The following AGMO variants were observed in gnomAD, a reference collection of about 807,000 sequenced individuals.
The protein encoded by AGMO is glyceryl-ether monooxygenase.
In AGMO, 75 loss-of-function variants were observed where a neutral mutation model predicts 60.2. The observed-to-expected ratio is 1.25, with a 90% CI of 1.03 to 1.51. AGMO has a LOEUF of 1.51. Ranked by LOEUF, AGMO falls within the 40% of genes most tolerant of loss-of-function variation. AGMO has a pLI of 0.00. For missense variants in AGMO, 763 were observed against 525.5 expected (o/e 1.45, Z -4.42); for synonymous variants, 261 against 177.1 (o/e 1.47, Z -3.76).
intron 5 of AGMO, among the ~76,000 whole-genome samples, chr7:15,417,494 C>A (rs1780805815): frequency 6.6e-6 from 1 of 152,144 alleles, no homozygotes; most frequent in African/African-American, 2.4e-5. Context: ...CCATGTAAAT[C>A]ATCAGAAAGC....
At chr7:15,166,594 GT>G in the AGMO span, among the ~76,000 whole-genome samples, 1 of 152,108 alleles carries the variant, frequency 6.6e-6, no homozygotes, top group Non-Finnish European at 1.5e-5. Context: ...ATCATTCCAG[GT>G]GCTATATTAA....
At chr7:15,322,434 G>GTATATATATAAA (rs1295939759) in intron 12 of AGMO, among the ~76,000 whole-genome samples, 3,720 of 86,806 alleles carry the variant, frequency 0.043, 408 homozygotes, top group East Asian at 0.079. Flanking sequence ...ACCTGTGTGT[G>GTATATATATAAA]TATATATATA....
intron 3 of AGMO, among the ~76,000 whole-genome samples, chr7:15,487,984 G>A (rs1030996335): frequency 6.6e-6 from 1 of 152,054 alleles, no homozygotes; most frequent in Non-Finnish European, 1.5e-5. Context: ...TAAGTCTTCA[G>A]CAATTTCTCT....
chr7:15,376,325 T>A (rs552700121), intron 10 of AGMO, among the ~76,000 whole-genome samples: 1 of 152,220 alleles, frequency 6.6e-6, no homozygotes, highest in South Asian at 2.1e-4. Flanking sequence ...AAGCTAGATC[T>A]AATTTGTGCA....
chr7:15,200,087 G>GT (rs1451751509), downstream of AGMO, among the ~76,000 whole-genome samples: 8 of 151,620 alleles, frequency 5.3e-5, no homozygotes, highest in East Asian at 5.8e-4. Context: ...AACAGCATTA[G>GT]TTTTTTTTAG....
At chr7:15,231,972 T>A (rs1301252461) in intron 12 of AGMO, among the ~76,000 whole-genome samples, 1 of 152,178 alleles carries the variant, frequency 6.6e-6, no homozygotes, top group Non-Finnish European at 1.5e-5. Flanking sequence ...GAAAACAAAA[T>A]GCTCTTAAAA....
intron 12 of AGMO, among the ~76,000 whole-genome samples, chr7:15,281,300 C>G (rs1783958060): frequency 1.3e-5 from 2 of 152,294 alleles, no homozygotes; most frequent in Non-Finnish European, 2.9e-5. Context: ...TTGTCCACCA[C>G]TGCAGATACA....
intron 12 of AGMO, among the ~76,000 whole-genome samples, chr7:15,231,315 A>G (rs1782251888): frequency 6.6e-6 from 1 of 152,148 alleles, no homozygotes; most frequent in Non-Finnish European, 1.5e-5. Flanking sequence ...AAAACTTATG[A>G]ATACGATAGT....
At chr7:15,550,039 A>G (rs1476717036) in intron 2 of AGMO, among the ~76,000 whole-genome samples, 1 of 152,212 alleles carries the variant, frequency 6.6e-6, no homozygotes, top group African/African-American at 2.4e-5. Flanking sequence ...ACTACATGGT[A>G]ACTGAACAAC....
At chr7:15,506,146 G>T (rs1211886474) in intron 3 of AGMO, among the ~76,000 whole-genome samples, 1 of 151,994 alleles carries the variant, frequency 6.6e-6, no homozygotes, top group Admixed American at 6.6e-5. Context: ...AACAGACTTT[G>T]AACTCAGATA....
At chr7:15,546,234 T>C (rs1388020572) in intron 2 of AGMO, among the ~76,000 whole-genome samples, 1 of 152,178 alleles carries the variant, frequency 6.6e-6, no homozygotes, top group Non-Finnish European at 1.5e-5. Flanking sequence ...TAGACTGTCT[T>C]ATAACAGCAT....
intron 10 of AGMO, among the ~76,000 whole-genome samples, chr7:15,384,594 A>G (rs954602869): frequency 6.6e-6 from 1 of 152,126 alleles, no homozygotes; most frequent in African/African-American, 2.4e-5. Context: ...CAGAGTTACC[A>G]TGTAACTTTC....
chr7:15,290,805 A>G (rs113726720), intron 12 of AGMO, among the ~76,000 whole-genome samples: 1 of 152,322 alleles, frequency 6.6e-6, no homozygotes, highest in African/African-American at 2.4e-5. Context: ...AACAATCTGA[A>G]TGATAGTTAA....
At chr7:15,435,751 G>T (rs1252133561) in intron 3 of AGMO, among the ~76,000 whole-genome samples, 2 of 151,712 alleles carry the variant, frequency 1.3e-5, no homozygotes, top group Non-Finnish European at 2.9e-5. Context: ...TTAGTTTTCT[G>T]GTGTATATAA....
At chr7:15,172,679 C>G in the AGMO span, among the ~76,000 whole-genome samples, 310 of 152,062 alleles carry the variant, frequency 2.0e-3, 4 homozygotes, top group Admixed American at 0.019. Context: ...GAGGGCTCAG[C>G]AATTAAGCTT....
chr7:15,476,902 T>C (rs1050602176), intron 3 of AGMO, among the ~76,000 whole-genome samples: 3 of 152,082 alleles, frequency 2.0e-5, no homozygotes, highest in Admixed American at 6.6e-5. Flanking sequence ...ATGATATAAA[T>C]GAAATACCTT....
At chr7:15,169,961 T>C in the AGMO span, among the ~76,000 whole-genome samples, 1 of 152,248 alleles carries the variant, frequency 6.6e-6, no homozygotes, top group East Asian at 1.9e-4. Flanking sequence ...TCAGAGAATT[T>C]GGCTTAAGCC....
chr7:15,547,229 A>G (rs1784806353), intron 2 of AGMO, among the ~76,000 whole-genome samples: 1 of 151,364 alleles, frequency 6.6e-6, no homozygotes, highest in Non-Finnish European at 1.5e-5. Flanking sequence ...GATACTTCCA[A>G]GTGTTTCCTG....
chr7:15,333,341 T>C (rs369791862), intron 12 of AGMO, among the ~76,000 whole-genome samples: 2 of 152,118 alleles, frequency 1.3e-5, no homozygotes, highest in African/African-American at 2.4e-5. Context: ...TATAAATGAA[T>C]TGGGAAAATG....
Sources: gnomAD v4.1 joint callset for allele counts (sites outside exome capture counted in the v4.1 genomes callset) on GRCh38, gnomAD v4.1.1 for gene constraint, MANE v1.5 for transcripts, NCBI Gene and HGNC (gene_info 2026-07-23, HGNC 2026-07-21) for gene names.